CTBS: variants seen among roughly 807,000 people sequenced by gnomAD.
CTBS encodes the protein di-N-acetylchitobiase.
Under a neutral mutation model 44.3 loss-of-function variants are expected in CTBS, and 35 were observed. The observed-to-expected ratio is 0.79, with a 90% CI of 0.60 to 1.05. The LOEUF (loss-of-function observed/expected upper bound fraction) is 1.05, where lower values mean the gene tolerates loss of function less well. Among genes scored for constraint, CTBS ranks in the 50% least tolerant of loss-of-function variants. The pLI is 0.00. For synonymous variants in CTBS, 143 were observed against 168.0 expected, an observed-to-expected ratio of 0.85 and a Z score of 1.15; for missense variants, 458 against 475.3, an observed-to-expected ratio of 0.96 and a Z score of 0.34.
At chr1:84,557,533 C>CAAAAAAAAAAAAAAAAAA (rs56101174) in intron 6 of CTBS, among the ~76,000 whole-genome samples, 9 of 55,426 alleles carry the variant, frequency 1.6e-4, no homozygotes, top group East Asian at 6.9e-4. Flanking sequence ...AACTCCATCT[C>CAAAAAAAAAAAAAAAAAA]AAAAAAAAAA....
At chr1:84,563,965 T>A in intron 4 of CTBS, 133 bp from the exon 5 acceptor site, 1 of 1,043,408 alleles carries the variant, frequency 9.6e-7, no homozygotes, top group Non-Finnish European at 1.3e-6. Flanking sequence ...TTGTTTAATA[T>A]GTTATAAAAC....
rs1329098311 is a variant in CTBS at position 84,554,715 on chromosome 1, CATA to C, written c.*281_*283del. On this transcript the variant is annotated 3_prime_UTR_variant, in exon 7 of 7. Coordinates refer to ENST00000370630, the MANE Select transcript of CTBS (RefSeq NM_004388.3). Reference sequence around the variant, plus strand: ...TTTACTATAATGAAGGGAAATATGGCATAATAAAATTCTGAAAGCAATTTTTCC... The same window carrying C: ...TTTACTATAATGAAGGGAAATATGGCATAAAATTCTGAAAGCAATTTTTCC... 1 of 271,032 alleles carries C rather than the reference CATA, an allele frequency of 3.7e-6. No homozygotes were observed. Among genetic ancestry groups the C allele is most frequent in the African/African-American group, 2.2e-5 (1 of 45,032 alleles). The allele number at this position is 271,032 out of a possible 1,614,324, so 16.8% of individuals were successfully genotyped here. A position where few individuals can be genotyped will look rare whatever the true frequency, so the allele number is the denominator to read the frequency against.
Position 84,563,809 on chromosome 1 carries a change from T to G in CTBS, c.721A>C (p.Ser241Arg). The change falls in exon 5 of 7, where the codon AGC becomes CGC. Residue 241 changes from serine (S) to arginine (R), a missense_variant. Ser to Arg is a moderately radical substitution (Grantham distance 110). Coordinates refer to ENST00000370630, the MANE Select transcript of CTBS (RefSeq NM_004388.3). ...ATTACAAGTTTCTTAGGATTAATGC[T>G]CATCTTGATGTAGTCATTATATCCT... ...LTGYNDYIKM[S>R]INPKKLVMGV... 6.2e-7 allele frequency: 1 copy of G among 1,607,574 alleles called. No homozygotes were observed. The highest frequency in any genetic ancestry group is 1.7e-5 in the Admixed American group (1 of 59,482).
intron 6 of CTBS, among the ~76,000 whole-genome samples, chr1:84,558,604 TAA>T (rs112293082): frequency 4.3e-5 from 6 of 139,854 alleles, no homozygotes; most frequent in Admixed American, 7.1e-5. Context: ...TTTTTTTAAT[TAA>T]AAAAAAAAAA....
intron 6 of CTBS, among the ~76,000 whole-genome samples, chr1:84,556,363 A>T (rs1684428636): frequency 6.6e-6 from 1 of 152,188 alleles, no homozygotes; most frequent in Non-Finnish European, 1.5e-5. Flanking sequence ...GCATTTCTGA[A>T]TTAATGCCAG....
Position 84,555,178 on chromosome 1 carries a change from G to C in CTBS, c.979C>G (p.Gln327Glu). Reference sequence around the variant, plus strand: ...CTCTGAGGGTTATCATACCATACTTGATGAAAGTGGCCAGCAGGATCCTAT... The same window carrying C: ...CTCTGAGGGTTATCATACCATACTTCATGAAAGTGGCCAGCAGGATCCTAT... Reference protein sequence around the residue: ...NYKDPAGHFHQVWYDNPQSIS... With the variant: ...NYKDPAGHFHEVWYDNPQSIS... Residue 327 changes from glutamine to glutamate, a missense_variant, in exon 7 of 7, where the codon CAA becomes GAA. Transcript: ENST00000370630. The C allele has an allele frequency of 6.2e-7, 1 of 1,613,312 alleles. No homozygotes were observed. Among genetic ancestry groups the C allele is most frequent in the East Asian group, 2.2e-5 (1 of 44,854 alleles).
intron 4 of CTBS, among the ~76,000 whole-genome samples, chr1:84,565,374 T>C (rs145232806): frequency 3.9e-5 from 6 of 152,308 alleles, no homozygotes; most frequent in African/African-American, 1.4e-4. Flanking sequence ...TTATCACAGA[T>C]ACTAAAAGAA....
At chr1:84,566,941 T>C (rs562761436) in intron 3 of CTBS, among the ~76,000 whole-genome samples, 41 of 152,322 alleles carry the variant, frequency 2.7e-4, no homozygotes, top group African/African-American at 9.6e-4. Flanking sequence ...TATCTTTCAT[T>C]TTGAATAGTG....
intron 1 of CTBS, among the ~76,000 whole-genome samples, chr1:84,571,344 C>T (rs951092979): frequency 6.6e-6 from 1 of 152,150 alleles, no homozygotes; most frequent in African/African-American, 2.4e-5. Context: ...ATTGACAGGA[C>T]TTTGTGACTA....
Position 84,552,261 on chromosome 1 carries a change from A to G in CTBS, c.*2738T>C, listed in dbSNP as rs542135171. On this transcript the variant is annotated 3_prime_UTR_variant, in exon 7 of 7. Coordinates refer to ENST00000370630, the MANE Select transcript of CTBS (RefSeq NM_004388.3). ...TAGTATAGCATAAGTAGTGCTTCTC[A>G]AAGTTTAATATATCATCTGAGGATC... 42 of 152,294 alleles carry G rather than the reference A, an allele frequency of 2.8e-4. No homozygotes were observed. The highest frequency in any genetic ancestry group is 8.7e-4 in the African/African-American group (36 of 41,560). The allele number at this position is 152,294 out of a possible 1,614,324, so 9.4% of individuals were successfully genotyped here.
At chr1:84,565,653 G>GA (rs1488649452) in intron 4 of CTBS, among the ~76,000 whole-genome samples, 188 bp downstream of exon 4, 1 of 152,090 alleles carries the variant, frequency 6.6e-6, no homozygotes, top group Non-Finnish European at 1.5e-5. Flanking sequence ...AGAATTAAGT[G>GA]AAAATCAAAA....
Position 84,570,706 on chromosome 1 carries a change from A to G in CTBS, c.192T>C (p.Asp64=), listed in dbSNP as rs1647276502. The G allele has an allele frequency of 3.1e-6, 5 of 1,613,282 alleles. No individual in the cohort carries two copies. Among genetic ancestry groups the G allele is most frequent in the African/African-American group, 1.3e-5 (1 of 75,014 alleles). Residue 64 remains aspartate, a synonymous_variant, in exon 2 of 7, where the codon GAT becomes GAC. Transcript: ENST00000370630. ...AAGATTTCCAAGTTTTCTGTCCAACATCAAACACAAAGACCTGCCAGAACA... is the reference window on the plus strand; with the variant it reads ...AAGATTTCCAAGTTTTCTGTCCAACGTCAAACACAAAGACCTGCCAGAACA... ...HHPDFEVFVF[D]VGQKTWKSYD...
rs1684358532 is a variant in CTBS, at chr1:84,554,201, T to C, written c.*798A>G. 6.6e-6 allele frequency: 1 copy of C among 152,108 alleles called. No homozygotes were observed. The highest frequency in any genetic ancestry group is 1.5e-5 in the Non-Finnish European group (1 of 68,018). The allele number at this position is 152,108 out of a possible 1,614,324, so 9.4% of individuals were successfully genotyped here. ...AGCTAGCCAAGAAATAAATTATATATGTCCATAAATGAAGAAATGAATAAT... is the reference window on the plus strand; with the variant it reads ...AGCTAGCCAAGAAATAAATTATATACGTCCATAAATGAAGAAATGAATAAT... On this transcript the variant is annotated 3_prime_UTR_variant, in exon 7 of 7. Transcript: ENST00000370630.
At chr1:84,566,295 C>T (rs1354896614) in intron 3 of CTBS, 1 of 167,948 alleles carries the variant, frequency 6.0e-6, no homozygotes, top group Non-Finnish European at 1.3e-5. Context: ...AAACGCTAGG[C>T]TGGTACCTCA....
intron 6 of CTBS, among the ~76,000 whole-genome samples, chr1:84,559,070 G>A (rs922132675): frequency 9.9e-5 from 15 of 152,070 alleles, no homozygotes; most frequent in Non-Finnish European, 2.1e-4. Flanking sequence ...ATTGTACTTT[G>A]CTTTATTGTG....
Position 84,552,646 on chromosome 1 carries a change from G to A in CTBS, c.*2353C>T, listed in dbSNP as rs1015457611. On this transcript the variant is annotated 3_prime_UTR_variant, in exon 7 of 7. Coordinates refer to ENST00000370630, the MANE Select transcript of CTBS (RefSeq NM_004388.3). ...TCTGAAATATCTATTCCGTTCCTAA[G>A]GGCTAGGAATTAAGGGTTTTTTTTG... 1.3e-5 allele frequency: 2 copies of A among 159,120 alleles called. No individual in the cohort carries two copies. Among genetic ancestry groups the A allele is most frequent in the African/African-American group, 4.8e-5 (2 of 41,514 alleles). The allele number at this position is 159,120 out of a possible 1,614,324, so 9.9% of individuals were successfully genotyped here. A position where few individuals can be genotyped will look rare whatever the true frequency, so the allele number is the denominator to read the frequency against.
chr1:84,558,333 A>C (rs1353533692), intron 6 of CTBS, among the ~76,000 whole-genome samples: 1 of 150,006 alleles, frequency 6.7e-6, no homozygotes, highest in African/African-American at 2.5e-5. Flanking sequence ...TCTGTCGCCC[A>C]GGCTGGAGTG....
intron 5 of CTBS, 143 bp downstream of exon 5, chr1:84,563,592 G>A: frequency 1.6e-6 from 1 of 642,644 alleles, no homozygotes; most frequent in Non-Finnish European, 2.4e-6. Context: ...ATAATCATAA[G>A]CTTTCATAGA....
rs2102012454 is a variant in CTBS, at chr1:84,553,688, T to C, written c.*1311A>G. On this transcript the variant is annotated 3_prime_UTR_variant, in exon 7 of 7. Transcript: ENST00000370630. ...GATCCAACATATACTATGAAAATGG[T>C]TTTTACTCTGTCACAAACAATTGTG... The C allele has an allele frequency of 6.6e-6, 1 of 151,138 alleles. No homozygotes were observed. Among genetic ancestry groups the C allele is most frequent in the South Asian group, 2.1e-4 (1 of 4,808 alleles). 9.4% of individuals were successfully genotyped at this position (151,138 alleles called of 1,614,324 possible).
Sources: gnomAD v4.1 joint callset for allele counts (sites outside exome capture counted in the v4.1 genomes callset) on GRCh38, gnomAD v4.1.1 for gene constraint, MANE v1.5 for transcripts, NCBI Gene and HGNC (gene_info 2026-07-23, HGNC 2026-07-21) for gene names.